PDZRN3: variants seen among roughly 807,000 people sequenced by gnomAD.
PDZRN3 encodes PDZ domain containing ring finger 3.
Under a neutral mutation model 85.7 loss-of-function variants are expected in PDZRN3, and 38 were observed. The ratio of observed to expected loss-of-function variants is 0.44; its 90% confidence interval spans 0.34 to 0.58. The LOEUF is 0.58. PDZRN3 is among the 20% of genes least tolerant of loss of function. The pLI is 0.01. For missense variants in PDZRN3, 1,629 were observed against 1,506.4 expected (o/e 1.08, Z -1.35); for synonymous variants, 759 against 638.0 (o/e 1.19, Z -2.86).
chr3:73,585,973 T>A (rs1444166935), intron 3 of PDZRN3, among the ~76,000 whole-genome samples: 1 of 152,172 alleles, frequency 6.6e-6, no homozygotes, highest in Admixed American at 6.5e-5. Context: ...ATTTCCTAAG[T>A]CTTATTGTTA....
At chr3:73,522,823 A>G (rs1352395647) in intron 3 of PDZRN3, among the ~76,000 whole-genome samples, 1 of 152,164 alleles carries the variant, frequency 6.6e-6, no homozygotes, top group Non-Finnish European at 1.5e-5. Flanking sequence ...CCTAATATGA[A>G]TTACTTGTAT....
At chr3:73,423,736 G>GC in intron 3 of PDZRN3, among the ~76,000 whole-genome samples, 1 of 152,242 alleles carries the variant, frequency 6.6e-6, no homozygotes, top group East Asian at 1.9e-4. Context: ...TTTACAGCCA[G>GC]CCCACTCCGT....
intron 3 of PDZRN3, among the ~76,000 whole-genome samples, chr3:73,456,671 G>T (rs1466272800): frequency 1.3e-5 from 2 of 152,064 alleles, no homozygotes; most frequent in Non-Finnish European, 2.9e-5. Context: ...TGTATAAATA[G>T]GAATTAAGAT....
intron 3 of PDZRN3, among the ~76,000 whole-genome samples, chr3:73,487,153 T>C (rs1424687056): frequency 6.6e-6 from 1 of 152,110 alleles, no homozygotes; most frequent in African/African-American, 2.4e-5. Flanking sequence ...ACTTGCTGGA[T>C]TTTTTTTCAA....
At chr3:73,509,932 G>A (rs1226083244) in intron 3 of PDZRN3, among the ~76,000 whole-genome samples, 2 of 152,146 alleles carry the variant, frequency 1.3e-5, no homozygotes, top group Non-Finnish European at 2.9e-5. Flanking sequence ...GAAAGCAATC[G>A]TTGCAAATGT....
intron 5 of PDZRN3, among the ~76,000 whole-genome samples, chr3:73,392,701 CT>C (rs1262915375): frequency 6.6e-6 from 1 of 152,156 alleles, no homozygotes; most frequent in African/African-American, 2.4e-5. Flanking sequence ...TTCAGTGCCC[CT>C]CTTACTAAGA....
At chr3:73,592,635 T>C (rs1181929544) in intron 3 of PDZRN3, among the ~76,000 whole-genome samples, 1 of 152,188 alleles carries the variant, frequency 6.6e-6, no homozygotes, top group Non-Finnish European at 1.5e-5. Context: ...CACTGAGCAC[T>C]GTGGCACTTG....
intron 7 of PDZRN3, among the ~76,000 whole-genome samples, chr3:73,389,528 A>C (rs1409387804): frequency 6.6e-6 from 1 of 152,178 alleles, no homozygotes; most frequent in Non-Finnish European, 1.5e-5. Flanking sequence ...GTTTTGATCC[A>C]AACAGAATGA....
intron 3 of PDZRN3, among the ~76,000 whole-genome samples, chr3:73,463,448 A>G (rs902539555): frequency 2.0e-5 from 3 of 152,216 alleles, no homozygotes; most frequent in African/African-American, 7.2e-5. Context: ...CCATATGTAT[A>G]CATTTCCTAT....
intron 4 of PDZRN3, among the ~76,000 whole-genome samples, chr3:73,403,381 A>T (rs892740374): frequency 6.6e-6 from 1 of 152,170 alleles, no homozygotes; most frequent in African/African-American, 2.4e-5. Flanking sequence ...CGCTGGTACC[A>T]TTTACTGAGT....
At chr3:73,494,220 T>C (rs981445181) in intron 3 of PDZRN3, among the ~76,000 whole-genome samples, 2 of 152,238 alleles carry the variant, frequency 1.3e-5, no homozygotes, top group East Asian at 3.8e-4. Context: ...AAATTCATAC[T>C]GAGCCTTTCT....
intron 3 of PDZRN3, among the ~76,000 whole-genome samples, chr3:73,420,447 G>A (rs560166579): frequency 6.6e-6 from 1 of 152,310 alleles, no homozygotes; most frequent in South Asian, 2.1e-4. Flanking sequence ...ATACCCTACT[G>A]AACAAATACT....
chr3:73,496,792 A>T (rs1703875670), intron 3 of PDZRN3, among the ~76,000 whole-genome samples: 1 of 152,212 alleles, frequency 6.6e-6, no homozygotes, highest in Admixed American at 6.5e-5. Flanking sequence ...TGGCCAATCC[A>T]TCCCTCAAAT....
chr3:73,436,978 G>A (rs776770317), intron 3 of PDZRN3, among the ~76,000 whole-genome samples: 3 of 151,322 alleles, frequency 2.0e-5, no homozygotes, highest in Non-Finnish European at 2.9e-5. Flanking sequence ...CCCGGGAGGT[G>A]GAGGTTGCAG....
chr3:73,584,584 T>G (rs184625901), intron 3 of PDZRN3, among the ~76,000 whole-genome samples: 1 of 152,062 alleles, frequency 6.6e-6, no homozygotes, highest in African/African-American at 2.4e-5. Context: ...AACTACCTAG[T>G]TTTTTGTTTG....
chr3:73,529,916 G>A (rs11128345), intron 3 of PDZRN3, among the ~76,000 whole-genome samples: 24,569 of 152,196 alleles, frequency 0.16, 2,070 homozygotes, highest in East Asian at 0.26. Flanking sequence ...CTTCCTTATA[G>A]GATGGTTGTA....
At chr3:73,422,176 C>T (rs1207661152) in intron 3 of PDZRN3, among the ~76,000 whole-genome samples, 1 of 152,224 alleles carries the variant, frequency 6.6e-6, no homozygotes, top group African/African-American at 2.4e-5. Context: ...TCCTCCAGAA[C>T]ACTAGAGGGA....
intron 3 of PDZRN3, among the ~76,000 whole-genome samples, chr3:73,424,200 T>C (rs923870573): frequency 2.0e-5 from 3 of 151,894 alleles, no homozygotes; most frequent in Non-Finnish European, 4.4e-5. Flanking sequence ...TATTTGACTT[T>C]ATGAAATTAA....
intron 3 of PDZRN3, among the ~76,000 whole-genome samples, chr3:73,496,325 C>T (rs1055987093): frequency 1.3e-5 from 2 of 151,952 alleles, no homozygotes; most frequent in Non-Finnish European, 2.9e-5. Context: ...TTTATCTTTC[C>T]TTTGATTCCT....
Sources: gnomAD v4.1 joint callset for allele counts (sites outside exome capture counted in the v4.1 genomes callset) on GRCh38, gnomAD v4.1.1 for gene constraint, MANE v1.5 for transcripts, NCBI Gene and HGNC (gene_info 2026-07-23, HGNC 2026-07-21) for gene names.